CD247: variants seen among roughly 807,000 people sequenced by gnomAD.
CD247 encodes CD247 molecule, also known as T-cell surface glycoprotein CD3 zeta chain.
CD247 carries 13 observed loss-of-function variants against 30.0 expected under a neutral mutation model. That is an observed-to-expected ratio of 0.43 (90% confidence interval 0.28 to 0.69). The LOEUF is 0.69. Ranked by LOEUF, CD247 falls within the 30% of genes least tolerant of loss-of-function variation. The probability of loss-of-function intolerance (pLI) is 0.16; values close to 1 mark genes in which losing one functional copy is unlikely to be tolerated. For synonymous variants in CD247, 72 were observed against 80.0 expected, an observed-to-expected ratio of 0.90 and a Z score of 0.53; for missense variants, 193 against 212.6, an observed-to-expected ratio of 0.91 and a Z score of 0.57.
At chr1:167,467,891 G>A (rs1242024051) in intron 1 of CD247, among the ~76,000 whole-genome samples, 1 of 152,138 alleles carries the variant, frequency 6.6e-6, no homozygotes, top group Non-Finnish European at 1.5e-5. Context: ...AAGCATGAGA[G>A]GCGTATTACA....
At chr1:167,461,583 C>T (rs993139556) in intron 1 of CD247, among the ~76,000 whole-genome samples, 1 of 152,196 alleles carries the variant, frequency 6.6e-6, no homozygotes, top group Non-Finnish European at 1.5e-5. Context: ...GGCGTGGTGG[C>T]TCACGCCTGT....
chr1:167,454,304 G>A (rs945793829), intron 1 of CD247, among the ~76,000 whole-genome samples: 2 of 152,210 alleles, frequency 1.3e-5, no homozygotes, highest in South Asian at 2.1e-4. Flanking sequence ...GGGAGGCTGG[G>A]TGAATTTCAC....
chr1:167,439,695 A>T (rs748556522), intron 2 of CD247: 1 of 477,280 alleles, frequency 2.1e-6, no homozygotes, highest in Non-Finnish European at 3.8e-6. Context: ...GCAGAGGTAT[A>T]AGGTTCTTGG....
intron 1 of CD247, among the ~76,000 whole-genome samples, chr1:167,513,261 G>A (rs570548422): frequency 5.2e-4 from 79 of 152,108 alleles, no homozygotes; most frequent in African/African-American, 1.9e-3. Context: ...TTAATGATAT[G>A]TTTTATGTTT....
chr1:167,482,732 G>C (rs1654023077), intron 1 of CD247, among the ~76,000 whole-genome samples: 1 of 152,208 alleles, frequency 6.6e-6, no homozygotes, highest in Admixed American at 6.5e-5. Flanking sequence ...AAAGGGCTGT[G>C]TGCCTATTCA....
chr1:167,473,600 G>A (rs1653623130), intron 1 of CD247, among the ~76,000 whole-genome samples: 1 of 152,346 alleles, frequency 6.6e-6, no homozygotes, highest in East Asian at 1.9e-4. Flanking sequence ...AGTTCGTGCA[G>A]AACTGGGAGT....
In CD247 at chr1:167,465,327, C is replaced by CTTT. The variant is rs765176193; in HGVS notation, c.59-24563_59-24561dup. On this transcript the variant is annotated intron_variant, in intron 1 of 7. Coordinates refer to ENST00000362089, the MANE Select transcript of CD247 (RefSeq NM_198053.3). The stretch of plus-strand genomic sequence containing the variant: ...CCACCTTCCTTTTTTTTTTCTTTTT[C>CTTT]TTTTTTTTTTTTTTTTTTGAGATGG... 9.9e-3 allele frequency among the ~76,000 whole-genome samples: 1,146 copies of CTTT among 115,308 alleles called. 25 individuals carry two copies. The highest frequency in any genetic ancestry group is 0.015 in the Non-Finnish European group (891 of 58,330). The allele number at this position is 115,308 out of a possible 152,430, so 75.6% of individuals were successfully genotyped here.
intron 1 of CD247, among the ~76,000 whole-genome samples, chr1:167,446,127 C>T (rs886596486): frequency 1.1e-4 from 16 of 152,112 alleles, no homozygotes; most frequent in Non-Finnish European, 2.1e-4. Context: ...CTTATGGCTT[C>T]GATGCAGCTG....
intron 1 of CD247, among the ~76,000 whole-genome samples, chr1:167,443,646 A>C (rs1651941150): frequency 6.6e-6 from 1 of 152,238 alleles, no homozygotes; most frequent in Non-Finnish European, 1.5e-5. Flanking sequence ...TGTGTTGTGC[A>C]GACTCAGCAC....
At chr1:167,442,420 G>C (rs1323620042) in intron 1 of CD247, among the ~76,000 whole-genome samples, 1 of 152,188 alleles carries the variant, frequency 6.6e-6, no homozygotes, top group African/African-American at 2.4e-5. Flanking sequence ...GTGTGATTTG[G>C]GGCAGGTTAT....
intron 1 of CD247, chr1:167,448,410 C>T: frequency 1.0e-6 from 1 of 985,388 alleles, no homozygotes; most frequent in Non-Finnish European, 1.2e-6. Context: ...GTCCCTTCTC[C>T]CAGGATCGAA....
At chr1:167,451,140 C>G (rs1422541512) in intron 1 of CD247, among the ~76,000 whole-genome samples, 1 of 151,708 alleles carries the variant, frequency 6.6e-6, no homozygotes, top group Non-Finnish European at 1.5e-5. Context: ...GGGTAGGTAG[C>G]ATGAATGAGG....
At chr1:167,472,846 G>A (rs906574195) in intron 1 of CD247, among the ~76,000 whole-genome samples, 2 of 152,070 alleles carry the variant, frequency 1.3e-5, no homozygotes, top group Admixed American at 6.5e-5. Flanking sequence ...TGTTCGGCTT[G>A]GTGTCCTCAT....
intron 2 of CD247, chr1:167,440,346 G>A (rs1399359412): frequency 4.9e-6 from 2 of 412,152 alleles, no homozygotes; most frequent in Non-Finnish European, 9.1e-6. Flanking sequence ...TGGAAAGAAG[G>A]ACCTCTGCCT....
intron 1 of CD247, among the ~76,000 whole-genome samples, chr1:167,488,958 T>C (rs534302939): frequency 6.6e-6 from 1 of 152,276 alleles, no homozygotes; most frequent in East Asian, 1.9e-4. Context: ...GCCGGGCCTC[T>C]TCTGAGAGGG....
intron 1 of CD247, among the ~76,000 whole-genome samples, chr1:167,456,621 C>A (rs1429153536): frequency 2.0e-5 from 3 of 152,176 alleles, no homozygotes; most frequent in East Asian, 1.9e-4. Context: ...CACGTTCCCC[C>A]AGCTTCTCAT....
intron 1 of CD247, among the ~76,000 whole-genome samples, chr1:167,443,848 C>T (rs992317036): frequency 2.6e-5 from 4 of 152,148 alleles, no homozygotes; most frequent in African/African-American, 9.7e-5. Flanking sequence ...GTAGGACCCT[C>T]CTCTCCTCGG....
intron 1 of CD247, among the ~76,000 whole-genome samples, chr1:167,467,958 G>A (rs1409850037): frequency 6.6e-6 from 1 of 151,982 alleles, no homozygotes; most frequent in African/African-American, 2.4e-5. Context: ...AATCATTTAG[G>A]CGCAAAAGCA....
chr1:167,431,010 G>A lies in CD247; in HGVS notation c.*671C>T, dbSNP rs940219509. 2.7e-5 allele frequency: 11 copies of A among 403,222 alleles called. No individual in the cohort carries two copies. Among genetic ancestry groups the A allele is most frequent in the African/African-American group, 2.1e-4 (10 of 48,662 alleles). 25.0% of individuals were successfully genotyped at this position (403,222 alleles called of 1,614,324 possible). On this transcript the variant is annotated 3_prime_UTR_variant, in exon 8 of 8. Coordinates refer to ENST00000362089, the MANE Select transcript of CD247 (RefSeq NM_198053.3). ...TCAAGGTCAGTCTGTTCATCTTCTGGCCCCTGTAGCACATGGTACAGTTCA... is the reference window on the plus strand; with the variant it reads ...TCAAGGTCAGTCTGTTCATCTTCTGACCCCTGTAGCACATGGTACAGTTCA...
Sources: allele counts gnomAD v4.1 joint callset (sites outside exome capture counted in the v4.1 genomes callset), GRCh38; gene constraint gnomAD v4.1.1; transcripts MANE v1.5; gene names NCBI Gene and HGNC (gene_info 2026-07-23, HGNC 2026-07-21).